Variants in DTWD2 observed in about 807,000 individuals in gnomAD.
DTWD2 encodes DTW motif tRNA-uridine aminocarboxypropyltransferase 2.
Under a neutral mutation model 31.8 loss-of-function variants are expected in DTWD2, and 39 were observed. The observed-to-expected ratio is 1.22, with a 90% CI of 0.95 to 1.60. DTWD2 has a LOEUF of 1.60. Among genes scored for constraint, DTWD2 ranks in the 40% most tolerant of loss-of-function variants. DTWD2 has a pLI of 0.00. For missense variants in DTWD2, 515 were observed against 381.5 expected, an observed-to-expected ratio of 1.35 and a Z score of -2.92; for synonymous variants, 180 against 142.8, an observed-to-expected ratio of 1.26 and a Z score of -1.86.
chr5:118,866,012 G>C (rs1046462062), intron 4 of DTWD2, among the ~76,000 whole-genome samples: 3 of 150,490 alleles, frequency 2.0e-5, no homozygotes, highest in African/African-American at 5.0e-5. Context: ...GTGTGTGTGT[G>C]TGTGTGTCTG....
chr5:118,946,398 AGATCGAG>A (rs1209521272), intron 1 of DTWD2, among the ~76,000 whole-genome samples: 1 of 152,238 alleles, frequency 6.6e-6, no homozygotes, highest in African/African-American at 2.4e-5. Context: ...AATGACAAAC[AGATCGAG>A]GACTGCTATA....
intron 4 of DTWD2, among the ~76,000 whole-genome samples, chr5:118,866,984 T>C (rs1752395191): frequency 6.6e-6 from 1 of 151,696 alleles, no homozygotes; most frequent in South Asian, 2.1e-4. Context: ...CACCAACAAA[T>C]ACATTATAGT....
intron 3 of DTWD2, among the ~76,000 whole-genome samples, chr5:118,932,971 T>C (rs1296556765): frequency 6.6e-6 from 1 of 151,678 alleles, no homozygotes; most frequent in East Asian, 1.9e-4. Context: ...ATTACTGATA[T>C]CAGAAATAAA....
chr5:118,988,230 G>A (rs1332475805), intron 1 of DTWD2, 64 bp downstream of exon 1: 3 of 1,523,650 alleles, frequency 2.0e-6, no homozygotes, highest in Non-Finnish European at 2.6e-6. Flanking sequence ...CCCGGCAGGG[G>A]GCGCCGCACC....
chr5:118,865,434 G>A (rs941827868), intron 4 of DTWD2, among the ~76,000 whole-genome samples: 9 of 151,362 alleles, frequency 5.9e-5, no homozygotes, highest in African/African-American at 2.2e-4. Flanking sequence ...CAAAAATATG[G>A]TCTATGTAAA....
chr5:118,861,903 A>T (rs1416680169), intron 4 of DTWD2, among the ~76,000 whole-genome samples: 1 of 152,238 alleles, frequency 6.6e-6, no homozygotes, highest in Non-Finnish European at 1.5e-5. Flanking sequence ...AGCCAAAATC[A>T]CAGGGATATG....
At chr5:118,857,463 G>A (rs1048131329) in intron 4 of DTWD2, among the ~76,000 whole-genome samples, 4 of 151,862 alleles carry the variant, frequency 2.6e-5, no homozygotes, top group African/African-American at 4.8e-5. Context: ...GCCATATATC[G>A]TTTTTTGTGA....
At position 118,916,626 on chromosome 5, in the gene DTWD2, T is replaced by C. The variant is rs539400444; in HGVS notation, c.597+11911A>G. Among the ~76,000 whole-genome samples the C allele has an allele frequency of 5.3e-5, 8 of 150,344 alleles. No individual in the cohort carries two copies. The East Asian group carries it at 5.9e-4, about 11-fold the overall frequency. ...GTTGCAGTGAGTGGCAATCGCACCA[T>C]TGCACTGCAGCCTGGGCAACAAAAG... On this transcript the variant is annotated intron_variant, in intron 4 of 5. Coordinates refer to ENST00000510708, the MANE Select transcript of DTWD2 (RefSeq NM_173666.4).
intron 2 of DTWD2, among the ~76,000 whole-genome samples, chr5:118,940,169 G>C (rs540448214): frequency 2.0e-5 from 3 of 152,318 alleles, no homozygotes; most frequent in African/African-American, 7.2e-5. Context: ...GTCGTCAGTG[G>C]TTTCTTCAAT....
chr5:118,913,388 C>CAT (rs1037966848), intron 4 of DTWD2, among the ~76,000 whole-genome samples: 13 of 142,628 alleles, frequency 9.1e-5, no homozygotes, highest in African/African-American at 2.6e-4. Context: ...TCACATGAAC[C>CAT]ATATATATAT....
At chr5:118,843,502 C>T (rs193009987) in intron 5 of DTWD2, among the ~76,000 whole-genome samples, 1 of 152,188 alleles carries the variant, frequency 6.6e-6, no homozygotes, top group East Asian at 1.9e-4. Context: ...AGAGGGAATG[C>T]TAAAATAACT....
intron 4 of DTWD2, among the ~76,000 whole-genome samples, chr5:118,859,249 TAC>T (rs1752205244): frequency 6.6e-6 from 1 of 151,120 alleles, no homozygotes; most frequent in Non-Finnish European, 1.5e-5. Context: ...AACACTGAAA[TAC>T]AGTTTCTGTA....
At chr5:118,849,892 T>A (rs190954012) in intron 4 of DTWD2, among the ~76,000 whole-genome samples, 2 of 151,894 alleles carry the variant, frequency 1.3e-5, no homozygotes, top group Non-Finnish European at 2.9e-5. Flanking sequence ...GTGGGGGCTA[T>A]GGGAGGGATA....
rs1752871878 is a variant in DTWD2, at chr5:118,886,510, A to G, written c.598-38292T>C. ...AAACTGGGTTTATGGGACAAATATA[A>G]GTTAATCTGAGGAATATGAGACTTC... On this transcript the variant is annotated intron_variant, in intron 4 of 5. Coordinates refer to ENST00000510708, the MANE Select transcript of DTWD2 (RefSeq NM_173666.4). 3.9e-5 allele frequency among the ~76,000 whole-genome samples: 6 copies of G among 152,238 alleles called. 1 individual carries two copies. In the South Asian group the frequency reaches 1.0e-3, roughly 26 times the overall value.
Position 118,840,843 on chromosome 5 carries a change from C to T in DTWD2, c.*74G>A. 1 of 1,503,600 alleles carries T rather than the reference C, an allele frequency of 6.7e-7. No homozygotes were observed. 93.1% of individuals were successfully genotyped at this position (1,503,600 alleles called of 1,614,324 possible). On this transcript the variant is annotated 3_prime_UTR_variant, in exon 6 of 6. Transcript: ENST00000510708. ...CTTTAGCAAGTCAAAAACCTACAGACCTTAACTATATGAAAACTTAATTTG... is the reference window on the plus strand; with the variant it reads ...CTTTAGCAAGTCAAAAACCTACAGATCTTAACTATATGAAAACTTAATTTG...
intron 4 of DTWD2, among the ~76,000 whole-genome samples, chr5:118,864,691 CAT>C (rs565350517): frequency 1.9e-4 from 28 of 149,904 alleles, no homozygotes; most frequent in East Asian, 5.9e-4. Flanking sequence ...TGTTAGGGTA[CAT>C]GTGTGTGTAC....
intron 4 of DTWD2, among the ~76,000 whole-genome samples, chr5:118,868,105 A>T (rs1752419498): frequency 6.6e-6 from 1 of 152,150 alleles, no homozygotes; most frequent in Non-Finnish European, 1.5e-5. Flanking sequence ...CCAAAAATAA[A>T]TTCTGGCATA....
chr5:118,977,155 C>G (rs2149602067), intron 1 of DTWD2, among the ~76,000 whole-genome samples: 1 of 152,296 alleles, frequency 6.6e-6, no homozygotes, highest in African/African-American at 2.4e-5. Flanking sequence ...TGCTAAAACT[C>G]TCAATAAACT....
chr5:118,952,470 C>T (rs981221966), intron 1 of DTWD2, among the ~76,000 whole-genome samples: 10 of 151,948 alleles, frequency 6.6e-5, no homozygotes, highest in African/African-American at 2.2e-4. Flanking sequence ...CTCCGGCAAG[C>T]AGGGGCGGGG....
Sources: allele counts gnomAD v4.1 joint callset (sites outside exome capture counted in the v4.1 genomes callset), GRCh38; gene constraint gnomAD v4.1.1; transcripts MANE v1.5; gene names NCBI Gene and HGNC (gene_info 2026-07-23, HGNC 2026-07-21).